The following SAMSN1 variants were observed in gnomAD, a reference collection of about 807,000 sequenced individuals.
SAMSN1 encodes SAM domain-containing protein SAMSN-1.
In SAMSN1, 31 loss-of-function variants were observed where a neutral mutation model predicts 42.0. The ratio of observed to expected loss-of-function variants is 0.74; its 90% CI spans 0.55 to 1.00. The LOEUF is 1.00. SAMSN1 is among the 50% of genes least tolerant of loss of function. The pLI is 0.00. For missense variants in SAMSN1, 464 were observed against 439.4 expected (o/e 1.06, Z -0.50); for synonymous variants, 178 against 151.9 (o/e 1.17, Z -1.26).
chr21:14,596,522 C>T (rs1205040847), intron 6 of SAMSN1, among the ~76,000 whole-genome samples: 1 of 152,114 alleles, frequency 6.6e-6, no homozygotes, highest in East Asian at 1.9e-4. Flanking sequence ...TAGTGAGTTG[C>T]TTCTAACAAA....
Position 14,525,550 on chromosome 21 carries a change from C to G in SAMSN1, c.58-4329G>C, listed in dbSNP as rs567713818. ...ATATAGATCAAATAAACCACTATAC[C>G]AAAAACATCAAAAGACAACTGGGTA... On this transcript the variant is annotated intron_variant, in intron 1 of 7. Transcript: ENST00000400566. Among the ~76,000 whole-genome samples the G allele has an allele frequency of 7.9e-5, 12 of 152,174 alleles. No homozygotes were observed. The East Asian group carries it at 2.1e-3, about 27-fold the overall frequency.
At chr21:14,611,620 CTTGCTTCCT>C (rs912187616) in intron 4 of SAMSN1, among the ~76,000 whole-genome samples, 7 of 152,112 alleles carry the variant, frequency 4.6e-5, no homozygotes, top group African/African-American at 1.4e-4. Context: ...AAAATGTTGC[CTTGCTTCCT>C]TTTATTTAAG....
chr21:14,557,638 C>T (rs1334477835), intron 2 of SAMSN1, among the ~76,000 whole-genome samples: 1 of 152,216 alleles, frequency 6.6e-6, no homozygotes, highest in African/African-American at 2.4e-5. Context: ...GAATTCACTT[C>T]TGCTTTCACT....
intron 1 of SAMSN1, among the ~76,000 whole-genome samples, chr21:14,524,637 T>A (rs1416762235): frequency 1.3e-5 from 2 of 152,192 alleles, no homozygotes; most frequent in Non-Finnish European, 2.9e-5. Context: ...TACATTTGTA[T>A]ATGAATTGTT....
At chr21:14,527,918 A>G (rs535077618) in intron 1 of SAMSN1, among the ~76,000 whole-genome samples, 4 of 152,286 alleles carry the variant, frequency 2.6e-5, no homozygotes, top group African/African-American at 9.6e-5. Context: ...CATAGACTGT[A>G]AGTCATGCTA....
At chr21:14,506,973 G>A (rs1401253903) in intron 5 of SAMSN1, among the ~76,000 whole-genome samples, 1 of 152,106 alleles carries the variant, frequency 6.6e-6, no homozygotes, top group Non-Finnish European at 1.5e-5. Context: ...TGCAGAAAAA[G>A]CATTAGACAA....
intron 1 of SAMSN1, among the ~76,000 whole-genome samples, chr21:14,540,669 A>G (rs371676798): frequency 1.3e-5 from 2 of 152,170 alleles, no homozygotes; most frequent in Non-Finnish European, 2.9e-5. Context: ...ATAGGAACAC[A>G]TTTACACTGT....
At chr21:14,517,132 T>A in intron 2 of SAMSN1, 91 bp from the exon 3 acceptor site, 2 of 1,273,120 alleles carry the variant, frequency 1.6e-6, no homozygotes, top group Non-Finnish European at 2.1e-6. Flanking sequence ...TCTGAGTTTG[T>A]GGATTTTGCA....
chr21:14,592,301 G>C (rs1026939832), intron 7 of SAMSN1: 16 of 152,336 alleles, frequency 1.1e-4, no homozygotes, highest in African/African-American at 3.4e-4. Context: ...TTTTTATTAA[G>C]TATCTATTGG....
chr21:14,616,132 C>T lies in SAMSN1; in HGVS notation c.157-116G>A, dbSNP rs1021744103. ...TTTCTAGTATAATCCAAACGTAGTT[C>T]CTTTTGTCTTTTCCCTAGTGAAAAA... On this transcript the variant is annotated intron_variant, in intron 2 of 15. Transcript: ENST00000647101. 6 of 355,194 alleles carry T rather than the reference C, an allele frequency of 1.7e-5. No individual in the cohort carries two copies. In the South Asian group the frequency reaches 2.8e-4, roughly 17 times the overall value. 22.0% of individuals were successfully genotyped at this position (355,194 alleles called of 1,614,324 possible). A position where few individuals can be genotyped will look rare whatever the true frequency, so the allele number is the denominator to read the frequency against.
At chr21:14,637,712 A>G (rs180944870) in intron 2 of SAMSN1, among the ~76,000 whole-genome samples, 1 of 152,198 alleles carries the variant, frequency 6.6e-6, no homozygotes, top group African/African-American at 2.4e-5. Context: ...CTGTATCTTA[A>G]CTGAAAAAAA....
At chr21:14,591,923 T>C (rs540304846) in intron 7 of SAMSN1, 1 of 152,258 alleles carries the variant, frequency 6.6e-6, no homozygotes, top group Admixed American at 6.6e-5. Context: ...ACAGGCCCAA[T>C]TTTCCATAGT....
At chr21:14,496,020 C>G (rs1986902515) in intron 7 of SAMSN1, 1 of 152,110 alleles carries the variant, frequency 6.6e-6, no homozygotes, top group South Asian at 2.1e-4. Flanking sequence ...TAAGGGGACT[C>G]AAGCCTTTGG....
chr21:14,579,766 G>A (rs1981643677), intron 2 of SAMSN1, among the ~76,000 whole-genome samples: 1 of 151,006 alleles, frequency 6.6e-6, no homozygotes. Flanking sequence ...AATGGTGTGA[G>A]CCACCACACC....
At chr21:14,647,891 G>C (rs1179089185) in intron 1 of SAMSN1, among the ~76,000 whole-genome samples, 2 of 151,536 alleles carry the variant, frequency 1.3e-5, no homozygotes, top group African/African-American at 4.9e-5. Flanking sequence ...TTTGGGCTGA[G>C]ACAATGGAGT....
chr21:14,561,829 G>A (rs1438275897), intron 2 of SAMSN1, among the ~76,000 whole-genome samples: 3 of 152,194 alleles, frequency 2.0e-5, no homozygotes, highest in African/African-American at 7.2e-5. Context: ...AACAGGGAGA[G>A]ACTGGCCATG....
chr21:14,627,970 T>A (rs1305591158), intron 2 of SAMSN1, among the ~76,000 whole-genome samples: 1 of 152,114 alleles, frequency 6.6e-6, no homozygotes, highest in Non-Finnish European at 1.5e-5. Context: ...CCATGTTGAA[T>A]ATCCTCACCC....
At chr21:14,628,755 T>A (rs1181963012) in intron 2 of SAMSN1, among the ~76,000 whole-genome samples, 1 of 152,188 alleles carries the variant, frequency 6.6e-6, no homozygotes, top group Non-Finnish European at 1.5e-5. Context: ...ATGACAAGGA[T>A]AAAATCCTAT....
At chr21:14,615,395 T>C (rs1304066483) in intron 3 of SAMSN1, among the ~76,000 whole-genome samples, 1 of 152,144 alleles carries the variant, frequency 6.6e-6, no homozygotes, top group African/African-American at 2.4e-5. Flanking sequence ...CATCACATAA[T>C]TTACAATTGG....
Sources: allele counts gnomAD v4.1 joint callset (sites outside exome capture counted in the v4.1 genomes callset), GRCh38; gene constraint gnomAD v4.1.1; transcripts MANE v1.5; gene names NCBI Gene and HGNC (gene_info 2026-07-23, HGNC 2026-07-21).